Variants in SEH1L observed in about 807,000 individuals in gnomAD.
The protein encoded by SEH1L is nucleoporin SEH1.
SEH1L carries 18 observed loss-of-function variants against 49.5 expected under a neutral mutation model. The observed-to-expected ratio is 0.36, with a 90% CI of 0.25 to 0.54. The LOEUF (loss-of-function observed/expected upper bound fraction) is 0.54. SEH1L is among the 20% of genes least tolerant of loss of function. The pLI is 0.87. For missense variants in SEH1L, 404 were observed against 528.8 expected (o/e 0.76, Z 2.31); for synonymous variants, 169 against 178.1 (o/e 0.95, Z 0.41).
intron 6 of SEH1L, among the ~76,000 whole-genome samples, chr18:12,979,360 T>A (rs1406236588): frequency 6.7e-6 from 1 of 149,686 alleles, no homozygotes; most frequent in Non-Finnish European, 1.5e-5. Flanking sequence ...ACACAGCACA[T>A]GTTTCAGAGA....
Position 12,984,096 on chromosome 18 carries a change from G to A in SEH1L, c.976G>A (p.Val326Ile). 1 of 1,613,854 alleles carries A rather than the reference G, an allele frequency of 6.2e-7. No homozygotes were observed. Among genetic ancestry groups the A allele is most frequent in the East Asian group, 2.2e-5 (1 of 44,870 alleles). The part of the protein sequence containing the change: ...TGILKGNGSP[V>I]NGSSQQGTSN... ...TATTTTGAAAGGTAATGGGAGCCCA[G>A]TCAATGGGAGTTCTCAGCAGGGAAC... Residue 326 changes from valine to isoleucine, a missense_variant, in exon 8 of 9, where the codon GTC (valine) becomes ATC (isoleucine). Val to Ile is a conservative substitution (Grantham distance 29, BLOSUM62 3). This residue lies in a region of SEH1L where 342 missense variants were observed against 430.8 expected (regional missense o/e 0.79). Transcript: ENST00000399892.
chr18:12,955,899 GA>G (rs1442825965), intron 3 of SEH1L, among the ~76,000 whole-genome samples: 1 of 151,878 alleles, frequency 6.6e-6, no homozygotes, highest in African/African-American at 2.4e-5. Flanking sequence ...AGTAATATAT[GA>G]TTTTAAAGTA....
intron 1 of SEH1L, 120 bp from the exon 2 acceptor site, chr18:12,951,735 T>A (rs1490338149): frequency 4.3e-5 from 28 of 645,550 alleles, no homozygotes; most frequent in Middle Eastern, 5.2e-4. Flanking sequence ...TACTTGCTGA[T>A]TGTGTTCTTT....
intron 1 of SEH1L, among the ~76,000 whole-genome samples, chr18:12,949,891 C>T (rs773483250): frequency 1.1e-4 from 16 of 152,090 alleles, no homozygotes; most frequent in Non-Finnish European, 1.9e-4. Flanking sequence ...CACCCTGTTC[C>T]GCCACCCCAT....
At chr18:12,985,938 C>CTT (rs200987658) in intron 8 of SEH1L, 3 of 917,718 alleles carry the variant, frequency 3.3e-6, no homozygotes, top group African/African-American at 1.8e-5. Flanking sequence ...GATGGAAACA[C>CTT]TTTTTTTATA....
chr18:12,975,942 C>T (rs1208797673), intron 5 of SEH1L: 16 of 882,110 alleles, frequency 1.8e-5, no homozygotes, highest in Non-Finnish European at 2.2e-5. Flanking sequence ...GGGGACTGAG[C>T]AAAGAGGAGT....
intron 4 of SEH1L, among the ~76,000 whole-genome samples, chr18:12,965,009 C>CTTTTTT (rs138934038): frequency 6.5e-4 from 54 of 82,604 alleles, no homozygotes; most frequent in Non-Finnish European, 8.2e-4. Context: ...TTTCCTCATT[C>CTTTTTT]TTTTTTTTTT....
chr18:12,986,800 T>C, intron 8 of SEH1L, 62 bp from the exon 9 acceptor site: 1 of 1,215,430 alleles, frequency 8.2e-7, no homozygotes, highest in Middle Eastern at 2.1e-4. Flanking sequence ...CTCTTTTTCT[T>C]GTGTTTTTTT....
chr18:12,986,012 GTGT>G, intron 8 of SEH1L: 1 of 914,596 alleles, frequency 1.1e-6, no homozygotes, highest in Non-Finnish European at 1.3e-6. Context: ...TATTTTTATG[GTGT>G]TATTTATTCC....
In SEH1L at chr18:12,963,216, T is replaced by C. The variant is rs1481281638; in HGVS notation, c.366T>C (p.Ala122=). Residue 122 remains alanine (A), a synonymous_variant, in exon 4 of 9, where the codon GCT becomes GCC. Transcript: ENST00000399892. ...CATCTGTTACTGATGTGAAGTTTGC[T>C]CCCAAGCACATGGGTCTTATGTTAG... ...SRTSVTDVKF[A]PKHMGLMLAT... is the part of the protein sequence containing the mutation. 1.2e-6 allele frequency: 2 copies of C among 1,614,020 alleles called. No homozygotes were observed. The highest frequency in any genetic ancestry group is 1.7e-6 in the Non-Finnish European group (2 of 1,180,006).
chr18:12,948,026 CT>C lies in SEH1L; in HGVS notation c.-95del, dbSNP rs2030216982. On this transcript the variant is annotated 5_prime_UTR_variant, in exon 1 of 9. Transcript: ENST00000399892. ...GGGCGTGGGCAGCACAAGCCGTGCG[CT>C]CCCGGGCTGCGAGGTCTGGCTAGGC... 14 of 852,018 alleles carry C rather than the reference CT, an allele frequency of 1.6e-5. No individual in the cohort carries two copies. The South Asian group carries it at 2.2e-4, about 13-fold the overall frequency. The allele number at this position is 852,018 out of a possible 1,614,324, so 52.8% of individuals were successfully genotyped here. A position where few individuals can be genotyped will look rare whatever the true frequency, so the allele number is the denominator to read the frequency against.
intron 1 of SEH1L, 21 bp from the exon 2 acceptor site, chr18:12,951,834 C>T (rs2030550303): frequency 1.3e-6 from 2 of 1,488,352 alleles, no homozygotes; most frequent in Admixed American, 1.9e-5. Flanking sequence ...TATAAAATAT[C>T]TGCCTTTTAT....
rs1413139624 is a variant in SEH1L, at chr18:12,980,319, C to T, written c.761+1427C>T. On this transcript the variant is annotated intron_variant, in intron 6 of 8. Transcript: ENST00000399892. The stretch of plus-strand genomic sequence containing the variant: ...CTCCTCACTTCCCAGTAGGGGCGGC[C>T]GGGCAGAGGCGCCCCTCACCTCCCG... 6.4e-5 allele frequency among the ~76,000 whole-genome samples: 8 copies of T among 124,450 alleles called. 1 individual carries two copies. The highest frequency in any genetic ancestry group is 1.8e-4 in the African/African-American group (6 of 33,638). 81.6% of individuals were successfully genotyped at this position (124,450 alleles called of 152,430 possible).
At chr18:12,983,641 T>A (rs2145671487) in intron 7 of SEH1L, among the ~76,000 whole-genome samples, 1 of 152,366 alleles carries the variant, frequency 6.6e-6, no homozygotes, top group East Asian at 1.9e-4. Context: ...GGTACCCTTA[T>A]AACTTATACT....
chr18:12,972,888 T>A (rs1006019874), intron 5 of SEH1L: 2 of 105,116 alleles, frequency 1.9e-5, no homozygotes, highest in African/African-American at 8.4e-5. Flanking sequence ...AATGAATATG[T>A]AGACATAAGC....
In SEH1L at chr18:12,968,685, A is replaced by T. The variant is rs115335158; in HGVS notation, c.522-2468A>T. On this transcript the variant is annotated intron_variant, in intron 4 of 8. Coordinates refer to ENST00000399892, the MANE Select transcript of SEH1L (RefSeq NM_001013437.2). Reference sequence around the variant, plus strand: ...TGATTTCTAATGGCACTCTTTCTAGATTTCTAGCCCTGTACGATAATATTC... The same window carrying T: ...TGATTTCTAATGGCACTCTTTCTAGTTTTCTAGCCCTGTACGATAATATTC... Among the ~76,000 whole-genome samples, 861 of 152,074 alleles carry T rather than the reference A, an allele frequency of 5.7e-3. 5 individuals are homozygous for T. The highest frequency in any genetic ancestry group is 0.02 in the African/African-American group (823 of 41,476).
At chr18:12,952,784 CT>C (rs1259704216) in intron 2 of SEH1L, among the ~76,000 whole-genome samples, 5,196 of 94,390 alleles carry the variant, frequency 0.055, 86 homozygotes, top group African/African-American at 0.11. Flanking sequence ...CTCTTCTTTT[CT>C]TTTTTTTTTT....
intron 5 of SEH1L, among the ~76,000 whole-genome samples, chr18:12,975,315 G>A (rs577607587): frequency 6.6e-6 from 1 of 151,572 alleles, no homozygotes; most frequent in African/African-American, 2.4e-5. Flanking sequence ...ACAATATATA[G>A]CTTGCCTCAG....
intron 6 of SEH1L, among the ~76,000 whole-genome samples, chr18:12,980,266 G>A (rs1323016826): frequency 8.1e-6 from 1 of 122,994 alleles, no homozygotes; most frequent in Non-Finnish European, 1.7e-5. Context: ...CCTCCCTCCC[G>A]GTCGGGGCGG....
Sources: allele counts gnomAD v4.1 joint callset (sites outside exome capture counted in the v4.1 genomes callset), GRCh38; gene constraint gnomAD v4.1.1; regional missense constraint gnomAD v4.1.1; transcripts MANE v1.5; gene names NCBI Gene and HGNC (gene_info 2026-07-23, HGNC 2026-07-21).